PTK6: variants seen among roughly 807,000 people sequenced by gnomAD.
PTK6 encodes the protein protein tyrosine kinase 6, also known as protein-tyrosine kinase 6.
PTK6 carries 47 observed loss-of-function variants against 47.5 expected under a neutral mutation model. The ratio of observed to expected loss-of-function variants is 0.99; its 90% CI spans 0.78 to 1.26. The LOEUF is 1.26. PTK6 is among the 50% of genes most tolerant of loss of function. The probability of loss-of-function intolerance (pLI) is 0.00; values close to 1 mark genes in which losing one functional copy is unlikely to be tolerated. For missense variants in PTK6, 618 were observed against 625.3 expected (o/e 0.99, Z 0.12); for synonymous variants, 287 against 276.5 (o/e 1.04, Z -0.38).
chr20:63,532,373 GTGTGTC>G (rs762669194), intron 5 of PTK6, among the ~76,000 whole-genome samples, 147 bp downstream of exon 5: 93 of 123,406 alleles, frequency 7.5e-4, no homozygotes, highest in South Asian at 1.2e-3. Context: ...GTGTGTCTCT[GTGTGTC>G]TGTGTCTGTG....
intron 1 of PTK6, 151 bp downstream of exon 1, chr20:63,536,934 A>G (rs752990562): frequency 2.6e-4 from 219 of 851,442 alleles, no homozygotes; most frequent in Non-Finnish European, 3.4e-4. Flanking sequence ...GGGAGGATCA[A>G]GCGGGATGCC....
chr20:63,534,936 A>G lies in PTK6; in HGVS notation c.352+2T>C. ...GCACAGGCTCGGAGGCCGGGGCCGC[A>G]CCCGACAGGACGTAGTCGGCACTCG... On this transcript the variant is annotated splice_donor_variant, in intron 2 of 7. Coordinates refer to ENST00000542869, the MANE Select transcript of PTK6 (RefSeq NM_005975.4). LOFTEE classifies it high-confidence loss of function. 6.3e-7 allele frequency: 1 copy of G among 1,594,058 alleles called. No individual in the cohort carries two copies. The highest frequency in any genetic ancestry group is 8.5e-7 in the Non-Finnish European group (1 of 1,170,172).
chr20:63,533,661 G>A lies in PTK6; in HGVS notation c.560C>T (p.Pro187Leu), dbSNP rs766759689. 59 of 1,613,624 alleles carry A rather than the reference G, an allele frequency of 3.7e-5. No homozygotes were observed. In the East Asian group the frequency reaches 9.6e-4, roughly 26 times the overall value. Residue 187 changes from proline (P) to leucine (L), a missense_variant, in exon 4 of 8, where the codon CCG (proline) becomes CTG (leucine). Transcript: ENST00000542869. The surrounding 1 kb of genome is among the most constrained non-coding windows in gnomAD (Gnocchi z 4.0). The stretch of plus-strand genomic sequence containing the variant: ...CCTGCAGAGCGTGAACTCCTCCCTC[G>A]GCCTCTCCCAGTCATCCCAATGGGG... ...PLPHWDDWER[P>L]REEFTLCRKL...
Position 63,537,375 on chromosome 20 carries a change from G to T in PTK6, c.-61C>A. On this transcript the variant is annotated 5_prime_UTR_variant, in exon 1 of 8. Transcript: ENST00000542869. ...CCAGCTGGAGCACCCAGAGCTGGGC[G>T]TGGCAGGCGGGCCGTCCCACTTCCT... 1 of 1,407,646 alleles carries T rather than the reference G, an allele frequency of 7.1e-7. No individual in the cohort carries two copies. The highest frequency in any genetic ancestry group is 9.7e-7 in the Non-Finnish European group (1 of 1,029,888). 87.2% of individuals were successfully genotyped at this position (1,407,646 alleles called of 1,614,324 possible). A position where few individuals can be genotyped will look rare whatever the true frequency, so the allele number is the denominator to read the frequency against.
intron 2 of PTK6, 53 bp from the exon 3 acceptor site, chr20:63,534,368 C>A: frequency 1.3e-6 from 2 of 1,515,844 alleles, no homozygotes; most frequent in Non-Finnish European, 8.8e-7. Context: ...CGCCTCCCTG[C>A]GTCCCCAGCC....
intron 5 of PTK6, among the ~76,000 whole-genome samples, chr20:63,531,981 G>A (rs1033283262): frequency 2.6e-5 from 4 of 152,230 alleles, no homozygotes; most frequent in African/African-American, 9.6e-5. Flanking sequence ...ATACCACAAC[G>A]TTCCCTCCCA....
chr20:63,534,175 G>T lies in PTK6; in HGVS notation c.493C>A (p.Arg165=), dbSNP rs145079156. The T allele has an allele frequency of 1.9e-6, 3 of 1,559,648 alleles. No individual in the cohort carries two copies. Among genetic ancestry groups the T allele is most frequent in the Admixed American group, 3.8e-5 (2 of 52,304 alleles). ...ACCTTCCGGCAGGGCGCGGCCAGCCGCAGGCCGTGGGACAGGCTCTGGGCC... is the reference window on the plus strand; with the variant it reads ...ACCTTCCGGCAGGGCGCGGCCAGCCTCAGGCCGTGGGACAGGCTCTGGGCC... The part of the protein sequence containing the change: ...HRAQSLSHGL[R]LAAPCRKHEP... Residue 165 remains arginine (R), a synonymous_variant, in exon 3 of 8, where the codon CGG becomes AGG. Transcript: ENST00000542869.
At position 63,532,527 on chromosome 20, in the gene PTK6, G is replaced by T. The variant is rs1220032114; in HGVS notation, c.831C>A (p.Arg277=). ...MAKGSLLELL[R]DSDEKVLPVS... is the part of the protein sequence containing the mutation. Reference sequence around the variant, plus strand: ...AGAGCCCCGGCCCATGCCACTCACCGCGGAGCAGCTCCAGCAGGCTGCCCT... The same window carrying T: ...AGAGCCCCGGCCCATGCCACTCACCTCGGAGCAGCTCCAGCAGGCTGCCCT... The change falls in exon 5 of 8, where the codon CGC becomes CGA. Residue 277 remains arginine, a splice_region_variant and synonymous_variant. Coordinates refer to ENST00000542869, the MANE Select transcript of PTK6 (RefSeq NM_005975.4). 6.2e-7 allele frequency: 1 copy of T among 1,609,368 alleles called. No individual in the cohort carries two copies. The highest frequency in any genetic ancestry group is 8.5e-7 in the Non-Finnish European group (1 of 1,177,068).
At chr20:63,534,882 G>A (rs755720116) in intron 2 of PTK6, 56 bp downstream of exon 2, 28 of 1,542,364 alleles carry the variant, frequency 1.8e-5, no homozygotes, top group Non-Finnish European at 2.5e-5. Flanking sequence ...TGGCTGGGAG[G>A]GCTTAGAGCC....
In PTK6 at chr20:63,530,184, C is replaced by A; in HGVS notation, c.1062G>T (p.Thr354=). The A allele has an allele frequency of 6.2e-7, 1 of 1,614,060 alleles. No individual in the cohort carries two copies. The highest frequency in any genetic ancestry group is 8.5e-7 in the Non-Finnish European group (1 of 1,179,988). Residue 354 remains threonine, a synonymous_variant, in exon 7 of 8, where the codon ACG becomes ACT. Transcript: ENST00000542869. This position sits in a 1 kb window ranked among gnomAD's most constrained non-coding sequence, Gnocchi z 4.1. ...GGCCTCGGGAGAGCGCTTCAGGGGC[C>A]GTCCACTTGTAGGGGATATTGTGGT... The part of the protein sequence containing the change: ...SHDHNIPYKW[T]APEALSRGHY...
intron 5 of PTK6, among the ~76,000 whole-genome samples, chr20:63,531,958 C>T (rs1282966688): frequency 1.3e-5 from 2 of 152,250 alleles, no homozygotes; most frequent in Non-Finnish European, 2.9e-5. Context: ...CAGACACACA[C>T]GGCATTTTTC....
In PTK6 at chr20:63,530,115, C is replaced by T. The variant is rs2082606142; in HGVS notation, c.1131G>A (p.Leu377=). 6.2e-7 allele frequency: 1 copy of T among 1,614,082 alleles called. No homozygotes were observed. The highest frequency in any genetic ancestry group is 8.5e-7 in the Non-Finnish European group (1 of 1,180,026). Residue 377 remains leucine, a synonymous_variant, in exon 7 of 8, where the codon CTG becomes CTA. Coordinates refer to ENST00000542869, the MANE Select transcript of PTK6 (RefSeq NM_005975.4). The surrounding 1 kb of genome is among the most constrained non-coding windows in gnomAD (Gnocchi z 4.1). ...CCTGACCCCTGCTGAACATCTCATGCAGGAGAATCCCAAAGGACCAGACGT... is the reference window on the plus strand; with the variant it reads ...CCTGACCCCTGCTGAACATCTCATGTAGGAGAATCCCAAAGGACCAGACGT... ...KSDVWSFGIL[L]HEMFSRGQVP...
chr20:63,531,452 A>G (rs1423732222), intron 5 of PTK6, among the ~76,000 whole-genome samples: 1 of 126,576 alleles, frequency 7.9e-6, no homozygotes, highest in Non-Finnish European at 1.6e-5. Context: ...ATATATATAT[A>G]TATATATATA....
Position 63,533,551 on chromosome 20 carries a change from C to T in PTK6, c.670G>A (p.Asp224Asn). 1 of 1,606,062 alleles carries T rather than the reference C, an allele frequency of 6.2e-7. No individual in the cohort carries two copies. Among genetic ancestry groups the T allele is most frequent in the Non-Finnish European group, 8.5e-7 (1 of 1,175,108 alleles). ...AGAGCCCTGATCGGGGCCCACTCACCTCGAGAAATCACCTTAATGGCCACC... is the reference window on the plus strand; with the variant it reads ...AGAGCCCTGATCGGGGCCCACTCACTTCGAGAAATCACCTTAATGGCCACC... Reference protein sequence around the residue: ...VQVAIKVISRDNLLHQQMLQS... With the variant: ...VQVAIKVISRNNLLHQQMLQS... The change falls in exon 4 of 8, where the codon GAC (aspartate) becomes AAC (asparagine). Residue 224 changes from aspartate (D) to asparagine (N), a missense_variant and splice_region_variant. By Grantham distance (23) the Asp-to-Asn change is conservative (BLOSUM62 1). Coordinates refer to ENST00000542869, the MANE Select transcript of PTK6 (RefSeq NM_005975.4). The surrounding 1 kb of genome is among the most constrained non-coding windows in gnomAD (Gnocchi z 4.0).
chr20:63,537,361 AC>A lies in PTK6; in HGVS notation c.-48del, dbSNP rs952253179. On this transcript the variant is annotated 5_prime_UTR_variant, in exon 1 of 8. Coordinates refer to ENST00000542869, the MANE Select transcript of PTK6 (RefSeq NM_005975.4). The stretch of plus-strand genomic sequence containing the variant: ...GACCAGGCTGTGGCCCAGCTGGAGC[AC>A]CCAGAGCTGGGCGTGGCAGGCGGGC... The A allele has an allele frequency of 1.1e-5, 16 of 1,491,914 alleles. No individual in the cohort carries two copies. The African/African-American group carries it at 2.2e-4, about 21-fold the overall frequency. 92.4% of individuals were successfully genotyped at this position (1,491,914 alleles called of 1,614,324 possible).
chr20:63,529,595 A>AGGGTCTCTGCTCG lies in PTK6; in HGVS notation c.1284_1296dup (p.Cys433ArgfsTer36), dbSNP rs1338846343. Reference sequence around the variant, plus strand: ...AGCCTCTCCCGCAGGGCCTTGAAGCAGGGTCTCTGCTCGGGGTCCCTGCAC... The same window carrying AGGGTCTCTGCTCG: ...AGCCTCTCCCGCAGGGCCTTGAAGCAGGGTCTCTGCTCGGGGTCTCTGCTCGGGGTCCCTGCAC... On this transcript the variant is annotated frameshift_variant, in exon 8 of 8. Transcript: ENST00000542869. LOFTEE classifies it low-confidence loss of function (END_TRUNC). This position sits in a 1 kb window ranked among gnomAD's most constrained non-coding sequence, Gnocchi z 5.6. The AGGGTCTCTGCTCG allele has an allele frequency of 1.3e-6, 2 of 1,569,328 alleles. No homozygotes were observed. Among genetic ancestry groups the AGGGTCTCTGCTCG allele is most frequent in the Non-Finnish European group, 1.7e-6 (2 of 1,157,092 alleles).
rs763408293 is a variant in PTK6, at chr20:63,533,591, C to G, written c.630G>C (p.Trp210Cys). The change falls in exon 4 of 8, where the codon TGG (tryptophan) becomes TGC (cysteine). Residue 210 changes from tryptophan (W) to cysteine (C), a missense_variant. Transcript: ENST00000542869. This position sits in a 1 kb window ranked among gnomAD's most constrained non-coding sequence, Gnocchi z 4.0. ...GYFGEVFEGL[W>C]KDRVQVAIKV... ...TAATGGCCACCTGGACCCGGTCTTTCCAGAGCCCCTCGAAGACCTCCCCAA... is the reference window on the plus strand; with the variant it reads ...TAATGGCCACCTGGACCCGGTCTTTGCAGAGCCCCTCGAAGACCTCCCCAA... 6.3e-5 allele frequency: 101 copies of G among 1,613,574 alleles called. 1 individual carries two copies. In the East Asian group the frequency reaches 2.2e-3, roughly 36 times the overall value.
intron 1 of PTK6, 98 bp from the exon 2 acceptor site, chr20:63,535,157 G>A: frequency 6.9e-7 from 1 of 1,443,334 alleles, no homozygotes; most frequent in Non-Finnish European, 9.2e-7. Flanking sequence ...AGCCGCCCTT[G>A]CCTGCCACCT....
At position 63,530,709 on chromosome 20, in the gene PTK6, C is replaced by T. The variant is rs201083928; in HGVS notation, c.1014+37G>A. On this transcript the variant is annotated intron_variant, in intron 6 of 7. Transcript: ENST00000542869. The surrounding 1 kb of genome is among the most constrained non-coding windows in gnomAD (Gnocchi z 4.1). ...AGCCCCCAGCCCTCCGGCCACGCCC[C>T]GGCCACGACCCCAGCCACGCCCTCT... The T allele has an allele frequency of 6.1e-5, 98 of 1,604,684 alleles. No individual in the cohort carries two copies. Among genetic ancestry groups the T allele is most frequent in the South Asian group, 9.9e-5 (9 of 90,550 alleles).
Sources: gnomAD v4.1 joint callset for allele counts (sites outside exome capture counted in the v4.1 genomes callset) on GRCh38, gnomAD v4.1.1 for gene constraint, Gnocchi (gnomAD v3.1) non-coding constraint, MANE v1.5 for transcripts, NCBI Gene and HGNC (gene_info 2026-07-23, HGNC 2026-07-21) for gene names.